The following PHF8 variants were observed in gnomAD, a reference collection of about 807,000 sequenced individuals.
The protein encoded by PHF8 is histone lysine demethylase PHF8.
A neutral mutation model predicts 74.4 loss-of-function variants in PHF8; 9 were observed. That is an observed-to-expected ratio of 0.12 (90% CI 0.07 to 0.21). PHF8 has a LOEUF of 0.21. PHF8 is among the 10% of genes least tolerant of loss of function. The probability of loss-of-function intolerance (pLI) is 1.00; values close to 1 mark genes in which losing one functional copy is unlikely to be tolerated. For synonymous variants in PHF8, 311 were observed against 316.6 expected (o/e 0.98, Z 0.19); for missense variants, 478 against 816.6 (o/e 0.59, Z 5.05).
intron 7 of PHF8, among the ~76,000 whole-genome samples, chrX:54,013,822 A>T (rs1452630452): frequency 9.0e-6 from 1 of 111,003 alleles, no homozygotes; most frequent in African/African-American, 3.3e-5. Context: ...TGACAGAGCA[A>T]AACTCCATCT....
At position 53,987,934 on chromosome X, in the gene PHF8, C is replaced by T; in HGVS notation, c.1741G>A (p.Val581Met). ...LLMSNGSTKR[V>M]KSLSKSRRTK... ...CGCCGAGATTTGGATAAACTCTTCACCCTTTTCGTACTGAAGGGAAGGAGA... is the reference window on the plus strand; with the variant it reads ...CGCCGAGATTTGGATAAACTCTTCATCCTTTTCGTACTGAAGGGAAGGAGA... The change falls in exon 15 of 22, where the codon GTG becomes ATG. Residue 581 changes from valine to methionine, a missense_variant. By Grantham distance (21) the Val-to-Met change is conservative (BLOSUM62 1). This residue lies in a region of PHF8 where 153 missense variants were observed against 164.8 expected (regional missense o/e 0.93). Coordinates refer to ENST00000338154, the MANE Select transcript of PHF8 (RefSeq NM_015107.3). 8.3e-7 allele frequency: 1 copy of T among 1,204,643 alleles called. No homozygotes were observed. Among genetic ancestry groups the T allele is most frequent in the South Asian group, 1.8e-5 (1 of 56,765 alleles).
intron 8 of PHF8, among the ~76,000 whole-genome samples, chrX:54,009,844 G>GAAAAAAAAAAAAAAAA (rs782363250): frequency 1.1e-4 from 1 of 9,383 alleles, no homozygotes; most frequent in African/African-American, 1.6e-4. Flanking sequence ...CTCTGTCTCA[G>GAAAAAAAAAAAAAAAA]AAAAAAAAAA....
chrX:54,041,025 C>T (rs1369720863), intron 2 of PHF8, among the ~76,000 whole-genome samples: 1 of 111,745 alleles, frequency 8.9e-6, no homozygotes, highest in Non-Finnish European at 1.9e-5. Context: ...AGGGGGCAGT[C>T]CCTGCTGAGG....
intron 20 of PHF8, 29 bp from the exon 21 acceptor site, chrX:53,940,545 A>C (rs781831177): frequency 9.5e-7 from 1 of 1,048,755 alleles, no homozygotes; most frequent in Admixed American, 2.3e-5. Context: ...AGGAGGAGAG[A>C]TTAAGGAGTG....
chrX:53,986,915 G>T (rs1011013529), intron 16 of PHF8, among the ~76,000 whole-genome samples, 163 bp downstream of exon 16: 2 of 111,457 alleles, frequency 1.8e-5, no homozygotes, highest in Admixed American at 1.9e-4. Flanking sequence ...AACAGAGCGA[G>T]GAGACTCTGT....
intron 19 of PHF8, among the ~76,000 whole-genome samples, chrX:53,954,722 A>G (rs1205741410): frequency 9.2e-6 from 1 of 108,746 alleles, no homozygotes; most frequent in Non-Finnish European, 1.9e-5. Flanking sequence ...CTTTCATAAC[A>G]AAAATTTTTT....
intron 2 of PHF8, among the ~76,000 whole-genome samples, chrX:54,042,060 T>C (rs1331430092): frequency 2.7e-5 from 3 of 111,700 alleles, no homozygotes; most frequent in Non-Finnish European, 5.6e-5. Context: ...CCCAGCACTT[T>C]GGGAGGCCGA....
rs1007354394 is a variant in PHF8 at position 54,021,457 on chromosome X, T to A, written c.293+802A>T. Among the ~76,000 whole-genome samples the A allele has an allele frequency of 3.7e-3, 217 of 58,126 alleles. 2 individuals carry two copies. The highest frequency in any genetic ancestry group is 0.033 in the Admixed American group (188 of 5,704). 50.5% of individuals were successfully genotyped at this position (58,126 alleles called of 115,157 possible). A position where few individuals can be genotyped will look rare whatever the true frequency, so the allele number is the denominator to read the frequency against. On this transcript the variant is annotated intron_variant, in intron 4 of 21. Transcript: ENST00000338154. ...ATCTAAAATCAAAGTTGCAATTATT[T>A]TTTTTTTTTTTTTTTTTTTTTTTTT...
chrX:54,032,673 G>GGTCC (rs1557112902), intron 2 of PHF8, among the ~76,000 whole-genome samples: 2 of 110,880 alleles, frequency 1.8e-5, no homozygotes, highest in African/African-American at 3.3e-5. Flanking sequence ...TAAGCTGTTA[G>GGTCC]TTTACTGTCT....
intron 18 of PHF8, among the ~76,000 whole-genome samples, chrX:53,980,825 G>C (rs1233554001): frequency 8.9e-6 from 1 of 112,642 alleles, no homozygotes; most frequent in East Asian, 2.8e-4. Flanking sequence ...CCAAAGAAGA[G>C]ATACATACAA....
intron 18 of PHF8, among the ~76,000 whole-genome samples, chrX:53,978,723 G>A (rs1037386016): frequency 3.7e-5 from 4 of 106,675 alleles, no homozygotes; most frequent in East Asian, 3.0e-4. Context: ...ACGTGAATCC[G>A]GAAGGCAGAG....
At chrX:53,998,031 A>T (rs1557103363) in intron 11 of PHF8, among the ~76,000 whole-genome samples, 3 of 112,377 alleles carry the variant, frequency 2.7e-5, no homozygotes, top group African/African-American at 9.7e-5. Flanking sequence ...ACATGTTGAC[A>T]TTTCTTCTTC....
At chrX:53,976,741 A>G (rs1179713341) in intron 18 of PHF8, among the ~76,000 whole-genome samples, 1 of 110,529 alleles carries the variant, frequency 9.0e-6, no homozygotes, top group Non-Finnish European at 1.9e-5. Context: ...AAAAAAAAAG[A>G]GAAGAAACAA....
Position 54,044,254 on chromosome X carries a change from G to C in PHF8, c.-585C>G. The C allele has an allele frequency of 1.3e-6, 1 of 755,024 alleles. No individual in the cohort carries two copies. Among genetic ancestry groups the C allele is most frequent in the Non-Finnish European group, 1.6e-6 (1 of 639,318 alleles). 62.2% of individuals were successfully genotyped at this position (755,024 alleles called of 1,213,427 possible). A position where few individuals can be genotyped will look rare whatever the true frequency, so the allele number is the denominator to read the frequency against. On this transcript the variant is annotated 5_prime_UTR_variant, in exon 1 of 22. Transcript: ENST00000338154. ...AAACCAACGGGGAAAGAGATGAACCGGCCGCCACGTCCGAGGCACACGGCC... is the reference window on the plus strand; with the variant it reads ...AAACCAACGGGGAAAGAGATGAACCCGCCGCCACGTCCGAGGCACACGGCC...
chrX:54,030,460 G>A (rs2066336715), intron 2 of PHF8, among the ~76,000 whole-genome samples: 1 of 111,917 alleles, frequency 8.9e-6, no homozygotes, highest in Admixed American at 9.5e-5. Context: ...CAAGCACACG[G>A]TAAGCAGTAT....
intron 8 of PHF8, among the ~76,000 whole-genome samples, chrX:54,006,218 A>G (rs933347156): frequency 2.7e-5 from 3 of 112,077 alleles, no homozygotes; most frequent in African/African-American, 9.7e-5. Context: ...GCGGTGACTC[A>G]CGCCTATAAT....
chrX:53,972,094 G>A (rs1342896301), intron 18 of PHF8, among the ~76,000 whole-genome samples: 1 of 110,632 alleles, frequency 9.0e-6, no homozygotes, highest in Non-Finnish European at 1.9e-5. Context: ...GGAGGCCGAG[G>A]CAGGCAGACC....
At chrX:54,021,389 T>C (rs901199316) in intron 4 of PHF8, among the ~76,000 whole-genome samples, 2 of 106,929 alleles carry the variant, frequency 1.9e-5, no homozygotes, top group African/African-American at 6.9e-5. Context: ...ACCTCACACA[T>C]GCAATATACC....
chrX:54,020,262 C>T (rs2066147678), intron 4 of PHF8, among the ~76,000 whole-genome samples: 2 of 112,096 alleles, frequency 1.8e-5, no homozygotes, highest in South Asian at 3.6e-4. Context: ...CGGCACCCTC[C>T]GCACATTATC....
Sources: gnomAD v4.1 joint callset for allele counts (sites outside exome capture counted in the v4.1 genomes callset) on GRCh38, gnomAD v4.1.1 for gene constraint, gnomAD v4.1.1 regional missense constraint, MANE v1.5 for transcripts, NCBI Gene and HGNC (gene_info 2026-07-23, HGNC 2026-07-21) for gene names.